Variants in SCLT1 observed in about 807,000 individuals in gnomAD.
SCLT1 encodes sodium channel and clathrin linker 1, also known as sodium channel-associated protein 1.
SCLT1 carries 78 observed loss-of-function variants against 112.8 expected under a neutral mutation model. The ratio of observed to expected loss-of-function variants is 0.69; its 90% CI spans 0.58 to 0.83. SCLT1 has a LOEUF of 0.83. Ranked by LOEUF, SCLT1 falls within the 40% of genes least tolerant of loss-of-function variation. SCLT1 has a pLI of 0.00. For missense variants in SCLT1, 747 were observed against 770.4 expected (o/e 0.97, Z 0.36); for synonymous variants, 257 against 254.7 (o/e 1.01, Z -0.09).
rs72927922 is a variant in SCLT1 at position 129,093,522 on chromosome 4, A to C, written c.-419T>G. 4.1e-3 allele frequency: 735 copies of C among 179,560 alleles called. 4 individuals carry two copies. The highest frequency in any genetic ancestry group is 0.016 in the African/African-American group (671 of 42,570). 11.1% of individuals were successfully genotyped at this position (179,560 alleles called of 1,614,324 possible). On this transcript the variant is annotated 5_prime_UTR_variant, in exon 1 of 21. Transcript: ENST00000281142. ...AACGCCAAGACGGCTGGGAAGCCCCAGGCCAGCAGCGGAAGTCCACTCGGC... is the reference window on the plus strand; with the variant it reads ...AACGCCAAGACGGCTGGGAAGCCCCCGGCCAGCAGCGGAAGTCCACTCGGC...
intron 2 of SCLT1, among the ~76,000 whole-genome samples, chr4:129,065,611 C>CATTAGACAGAG (rs150567168): frequency 6.6e-6 from 1 of 151,738 alleles, no homozygotes; most frequent in Admixed American, 6.6e-5. Flanking sequence ...TAATGAAACA[C>CATTAGACAGAG]ATAGCGTGTG....
Position 128,943,133 on chromosome 4 carries a change from A to C in SCLT1, c.1495T>G (p.Leu499Val). Residue 499 changes from leucine (L) to valine (V), a missense_variant, in exon 17 of 21, where the codon TTG becomes GTG. Leu to Val is a conservative substitution (Grantham distance 32). Coordinates refer to ENST00000281142, the MANE Select transcript of SCLT1 (RefSeq NM_144643.4). ...QEMIQKLQNV[L>V]ESERENCGLV... ...CCACAGTTCTCTCTCTCAGACTCCAATACATTTTGAAGTTTCTGAATCATT... is the reference window on the plus strand; with the variant it reads ...CCACAGTTCTCTCTCTCAGACTCCACTACATTTTGAAGTTTCTGAATCATT... The C allele has an allele frequency of 6.2e-7, 1 of 1,612,172 alleles. No homozygotes were observed.
At chr4:129,019,474 AAG>A (rs1258369099) in intron 5 of SCLT1, among the ~76,000 whole-genome samples, 1 of 152,166 alleles carries the variant, frequency 6.6e-6, no homozygotes, top group Non-Finnish European at 1.5e-5. Flanking sequence ...AAGGTGGGAA[AAG>A]GGGGATAGTT....
rs1753015899 is a variant in SCLT1 at position 129,093,224 on chromosome 4, G to A, written c.-121C>T. The A allele has an allele frequency of 2.3e-6, 2 of 866,930 alleles. No homozygotes were observed. The highest frequency in any genetic ancestry group is 2.4e-5 in the East Asian group (1 of 41,124). 53.7% of individuals were successfully genotyped at this position (866,930 alleles called of 1,614,324 possible). On this transcript the variant is annotated 5_prime_UTR_variant, in exon 1 of 21. Coordinates refer to ENST00000281142, the MANE Select transcript of SCLT1 (RefSeq NM_144643.4). ...CGGTTGGTTGTCAAGCGCTCCAGCG[G>A]TGCAATCTGCATCCTACTCACGCGG...
intron 2 of SCLT1, among the ~76,000 whole-genome samples, chr4:129,054,877 T>C (rs1426619434): frequency 1.3e-5 from 2 of 152,210 alleles, no homozygotes; most frequent in Non-Finnish European, 2.9e-5. Flanking sequence ...TTTTTCCTCA[T>C]CATCATGGAT....
At chr4:129,007,403 T>G (rs898167071) in intron 5 of SCLT1, among the ~76,000 whole-genome samples, 1 of 152,192 alleles carries the variant, frequency 6.6e-6, no homozygotes, top group Non-Finnish European at 1.5e-5. Context: ...CACATTTTTG[T>G]ATTCTGAGTC....
Position 129,093,300 on chromosome 4 carries a change from G to C in SCLT1, c.-197C>G, listed in dbSNP as rs1012384968. The C allele has an allele frequency of 3.3e-6, 2 of 607,240 alleles. No homozygotes were observed. The highest frequency in any genetic ancestry group is 2.0e-5 in the South Asian group (1 of 51,232). 37.6% of individuals were successfully genotyped at this position (607,240 alleles called of 1,614,324 possible). A position where few individuals can be genotyped will look rare whatever the true frequency, so the allele number is the denominator to read the frequency against. On this transcript the variant is annotated 5_prime_UTR_variant, in exon 1 of 21. Transcript: ENST00000281142. ...TCCCCCGCGCCCCAGACGAGTCCCT[G>C]GCCCTGGTGAGAGACTGAAGATTGC...
intron 2 of SCLT1, 74 bp downstream of exon 2, chr4:129,082,232 G>T: frequency 1.6e-6 from 1 of 606,478 alleles, no homozygotes; most frequent in Non-Finnish European, 2.8e-6. Flanking sequence ...AATCAAAGTT[G>T]TAAGCCAAGT....
chr4:128,936,186 G>T (rs1367358301), intron 18 of SCLT1, among the ~76,000 whole-genome samples: 4 of 151,528 alleles, frequency 2.6e-5, no homozygotes, highest in Non-Finnish European at 4.4e-5. Context: ...TGGTGATATA[G>T]TAGATCATTC....
chr4:129,075,139 C>T (rs912231525), intron 2 of SCLT1, among the ~76,000 whole-genome samples: 3 of 152,150 alleles, frequency 2.0e-5, no homozygotes, highest in Non-Finnish European at 1.5e-5. Flanking sequence ...AAATTATACA[C>T]TCTGTAAGCA....
chr4:128,952,544 AG>A lies in SCLT1; in HGVS notation c.1218+224del, dbSNP rs1738845706. 4 of 568,514 alleles carry A rather than the reference AG, an allele frequency of 7.0e-6. No individual in the cohort carries two copies. In the Middle Eastern group the frequency reaches 8.1e-4, roughly 114 times the overall value. 35.2% of individuals were successfully genotyped at this position (568,514 alleles called of 1,614,324 possible). A position where few individuals can be genotyped will look rare whatever the true frequency, so the allele number is the denominator to read the frequency against. On this transcript the variant is annotated intron_variant, in intron 14 of 20. Transcript: ENST00000281142. ...ATCCTGTGCATTCTCTGTCAAAGAC[AG>A]GTAGTTACAGTAAAATGTGATAAAT...
intron 5 of SCLT1, among the ~76,000 whole-genome samples, chr4:129,033,390 T>C (rs1178147256): frequency 2.0e-5 from 3 of 149,884 alleles, no homozygotes; most frequent in Non-Finnish European, 1.5e-5. Flanking sequence ...ACCTAATGCA[T>C]GCGGGGCTTA....
intron 18 of SCLT1, among the ~76,000 whole-genome samples, chr4:128,913,282 G>A (rs1735235863): frequency 6.6e-6 from 1 of 152,130 alleles, no homozygotes; most frequent in African/African-American, 2.4e-5. Flanking sequence ...TCTTACACTG[G>A]AGCATTACAG....
intron 4 of SCLT1, among the ~76,000 whole-genome samples, chr4:128,876,064 A>AAATT (rs1257441020): frequency 7.9e-5 from 12 of 152,316 alleles, no homozygotes; most frequent in African/African-American, 2.9e-4. Context: ...CTACATGCAG[A>AAATT]AATTAGCATA....
intron 1 of SCLT1, among the ~76,000 whole-genome samples, chr4:129,088,469 G>A (rs778447476): frequency 5.9e-5 from 9 of 152,224 alleles, no homozygotes; most frequent in African/African-American, 1.4e-4. Flanking sequence ...GGATATGGAT[G>A]TGTATTCCCA....
intron 8 of SCLT1, among the ~76,000 whole-genome samples, chr4:128,995,853 C>T (rs905575475): frequency 2.0e-5 from 3 of 152,058 alleles, no homozygotes; most frequent in Admixed American, 2.0e-4. Context: ...CTTTTCCCCT[C>T]CCTAGGGGAA....
chr4:129,053,235 C>T (rs1260779408), intron 2 of SCLT1, among the ~76,000 whole-genome samples: 2 of 152,086 alleles, frequency 1.3e-5, no homozygotes, highest in Non-Finnish European at 2.9e-5. Flanking sequence ...CTGTAGATGT[C>T]TATTAGGTCT....
At chr4:128,940,312 AG>A (rs1353323795) in intron 17 of SCLT1, among the ~76,000 whole-genome samples, 3 of 152,060 alleles carry the variant, frequency 2.0e-5, no homozygotes, top group Admixed American at 1.3e-4. Flanking sequence ...ATTAAAAAAA[AG>A]AAAACAAAAC....
chr4:128,922,470 A>G (rs1735960135), intron 18 of SCLT1, among the ~76,000 whole-genome samples: 1 of 152,222 alleles, frequency 6.6e-6, no homozygotes, highest in South Asian at 2.1e-4. Context: ...CAAAGCAGCC[A>G]TAAAAAAGAA....
Sources: allele counts gnomAD v4.1 joint callset (sites outside exome capture counted in the v4.1 genomes callset), GRCh38; gene constraint gnomAD v4.1.1; transcripts MANE v1.5; gene names NCBI Gene and HGNC (gene_info 2026-07-23, HGNC 2026-07-21).